Variants in TFPI observed in about 807,000 individuals in gnomAD.
TFPI encodes tissue factor pathway inhibitor.
Under a neutral mutation model 34.6 loss-of-function variants are expected in TFPI, and 15 were observed. That is an observed-to-expected ratio of 0.43 (90% confidence interval 0.29 to 0.67). The LOEUF is 0.67. Among genes scored for constraint, TFPI ranks in the 30% least tolerant of loss-of-function variants. TFPI has a pLI of 0.15. For synonymous variants in TFPI, 105 were observed against 120.1 expected (o/e 0.87, Z 0.82); for missense variants, 301 against 364.0 (o/e 0.83, Z 1.41).
chr2:187,541,484 G>A (rs938415681), intron 1 of TFPI, among the ~76,000 whole-genome samples: 19 of 152,070 alleles, frequency 1.2e-4, no homozygotes, highest in Non-Finnish European at 1.5e-5. Context: ...GGCAGTTTGA[G>A]TTTGAAGGAT....
intron 6 of TFPI, among the ~76,000 whole-genome samples, chr2:187,473,505 C>A (rs1018121989): frequency 3.3e-5 from 5 of 151,954 alleles, no homozygotes; most frequent in African/African-American, 1.2e-4. Context: ...AGTTTTTCTT[C>A]TTTTATTTTC....
At chr2:187,528,032 T>G (rs994104081) in intron 1 of TFPI, among the ~76,000 whole-genome samples, 2 of 151,988 alleles carry the variant, frequency 1.3e-5, no homozygotes, top group Non-Finnish European at 2.9e-5. Context: ...ATAAATATAT[T>G]AATTAAATTT....
At chr2:187,522,671 C>G (rs1197690103) in intron 1 of TFPI, among the ~76,000 whole-genome samples, 1 of 142,402 alleles carries the variant, frequency 7.0e-6, no homozygotes, top group Non-Finnish European at 1.5e-5. Flanking sequence ...ATCACGAGGT[C>G]AGGAGATCAA....
intron 1 of TFPI, among the ~76,000 whole-genome samples, chr2:187,521,621 G>A (rs1687377192): frequency 6.6e-6 from 1 of 151,868 alleles, no homozygotes; most frequent in Admixed American, 6.6e-5. Flanking sequence ...CATGGTAGAG[G>A]GCAAAGGTGC....
chr2:187,550,214 TTC>T (rs1277174940), intron 1 of TFPI, among the ~76,000 whole-genome samples: 2 of 152,102 alleles, frequency 1.3e-5, no homozygotes, highest in Non-Finnish European at 2.9e-5. Flanking sequence ...ATCTGTTGCA[TTC>T]ATAAGAGAAA....
At chr2:187,478,366 C>G (rs1692532532) in intron 6 of TFPI, among the ~76,000 whole-genome samples, 2 of 151,976 alleles carry the variant, frequency 1.3e-5, no homozygotes, top group African/African-American at 2.4e-5. Flanking sequence ...ATCTCAAAAA[C>G]AGCAACAACA....
chr2:187,476,026 A>G (rs1692348498), intron 6 of TFPI, among the ~76,000 whole-genome samples: 1 of 152,180 alleles, frequency 6.6e-6, no homozygotes, highest in African/African-American at 2.4e-5. Context: ...CTAGAAACAA[A>G]TCTTGGTGCA....
intron 1 of TFPI, among the ~76,000 whole-genome samples, chr2:187,525,911 A>G (rs1000800584): frequency 1.3e-5 from 2 of 152,120 alleles, no homozygotes; most frequent in Non-Finnish European, 2.9e-5. Flanking sequence ...TTCAAATATC[A>G]GTTCCGTAAC....
intron 1 of TFPI, among the ~76,000 whole-genome samples, chr2:187,550,670 G>A (rs949729636): frequency 6.6e-6 from 1 of 152,114 alleles, no homozygotes; most frequent in African/African-American, 2.4e-5. Flanking sequence ...TATTAAAAAT[G>A]TAAAGTATTT....
intron 6 of TFPI, among the ~76,000 whole-genome samples, chr2:187,469,976 A>C (rs1691941895): frequency 6.6e-6 from 1 of 152,156 alleles, no homozygotes; most frequent in Non-Finnish European, 1.5e-5. Flanking sequence ...AATTGCCACC[A>C]CTTTGATCTC....
At position 187,491,417 on chromosome 2, in the gene TFPI, C is replaced by G. The variant is rs189636461; in HGVS notation, c.320-3042G>C. ...TGCCCACATGTATGCACTATTTACCCCCCACTTATAAATTAGAACATGTGG... is the reference window on the plus strand; with the variant it reads ...TGCCCACATGTATGCACTATTTACCGCCCACTTATAAATTAGAACATGTGG... On this transcript the variant is annotated intron_variant, in intron 3 of 7. Coordinates refer to ENST00000233156, the MANE Select transcript of TFPI (RefSeq NM_006287.6). Among the ~76,000 whole-genome samples the G allele has an allele frequency of 4.6e-3, 694 of 152,036 alleles. 1 individual carries two copies. The highest frequency in any genetic ancestry group is 9.5e-3 in the African/African-American group (395 of 41,494).
chr2:187,489,893 A>C (rs1385170145), intron 3 of TFPI, among the ~76,000 whole-genome samples: 2 of 151,574 alleles, frequency 1.3e-5, no homozygotes, highest in African/African-American at 4.8e-5. Flanking sequence ...TAATAGTTAG[A>C]AAAGATTTAC....
In TFPI at chr2:187,541,442, G is replaced by A. The variant is rs150067544; in HGVS notation, c.-3+12758C>T. Among the ~76,000 whole-genome samples, 325 of 152,204 alleles carry A rather than the reference G, an allele frequency of 2.1e-3. 1 individual carries two copies. The highest frequency in any genetic ancestry group is 6.9e-3 in the African/African-American group (287 of 41,538). ...TTGGGAGCCTAAAATAAAAAAGAACGTAGCCCTAGGAAGGTGATTAATTCA... is the reference window on the plus strand; with the variant it reads ...TTGGGAGCCTAAAATAAAAAAGAACATAGCCCTAGGAAGGTGATTAATTCA... On this transcript the variant is annotated intron_variant, in intron 1 of 7. Coordinates refer to ENST00000233156, the MANE Select transcript of TFPI (RefSeq NM_006287.6).
In TFPI at chr2:187,465,492, G is replaced by GAAAAAAAAAAAAAAAAAAAAAAAAAA. The variant is rs199557966; in HGVS notation, c.*1443_*1444insTTTTTTTTTTTTTTTTTTTTTTTTTT. 3 of 67,780 alleles carry GAAAAAAAAAAAAAAAAAAAAAAAAAA rather than the reference G, an allele frequency of 4.4e-5. No individual in the cohort carries two copies. The highest frequency in any genetic ancestry group is 5.6e-5 in the African/African-American group (1 of 17,702). 4.2% of individuals were successfully genotyped at this position (67,780 alleles called of 1,614,324 possible). ...AAAACATAACAAAACAAAACAAAAT[G>GAAAAAAAAAAAAAAAAAAAAAAAAAA]AAAAAAAAAAAAAAACAAGAAAAAA... On this transcript the variant is annotated 3_prime_UTR_variant, in exon 8 of 8. Coordinates refer to ENST00000233156, the MANE Select transcript of TFPI (RefSeq NM_006287.6).
At chr2:187,553,972 AT>A (rs1689183454) in intron 1 of TFPI, among the ~76,000 whole-genome samples, 1 of 152,230 alleles carries the variant, frequency 6.6e-6, no homozygotes, top group Non-Finnish European at 1.5e-5. Context: ...AATCATAAAA[AT>A]TGCACATAAA....
chr2:187,467,720 C>G (rs2105942560), intron 7 of TFPI, 33 bp downstream of exon 7: 10 of 1,502,024 alleles, frequency 6.7e-6, no homozygotes, highest in Middle Eastern at 1.8e-4. Flanking sequence ...ATCTTAAACA[C>G]TAGTCAATTA....
intron 1 of TFPI, among the ~76,000 whole-genome samples, chr2:187,533,314 G>A (rs1026387365): frequency 6.6e-6 from 1 of 152,154 alleles, no homozygotes; most frequent in Non-Finnish European, 1.5e-5. Flanking sequence ...ATACAGGAGA[G>A]CTCCAGCTGG....
intron 4 of TFPI, among the ~76,000 whole-genome samples, chr2:187,486,715 A>G (rs1171349168): frequency 6.6e-6 from 1 of 151,618 alleles, no homozygotes; most frequent in African/African-American, 2.4e-5. Flanking sequence ...TAACCTTCTT[A>G]TTGAATTTGC....
chr2:187,497,185 AACAT>A, intron 2 of TFPI, 107 bp from the exon 3 acceptor site: 1 of 1,006,158 alleles, frequency 9.9e-7, no homozygotes, highest in Non-Finnish European at 1.4e-6. Flanking sequence ...AGTACAATAA[AACAT>A]ACTAAGAAAC....
Sources: allele counts gnomAD v4.1 joint callset (sites outside exome capture counted in the v4.1 genomes callset), GRCh38; gene constraint gnomAD v4.1.1; transcripts MANE v1.5; gene names NCBI Gene and HGNC (gene_info 2026-07-23, HGNC 2026-07-21).